The following KIF26B variants were observed in gnomAD, a reference collection of about 807,000 sequenced individuals.
The protein encoded by KIF26B is kinesin-like protein KIF26B.
In KIF26B, 63 loss-of-function variants were observed where a neutral mutation model predicts 151.2. The observed-to-expected ratio is 0.42, with a 90% CI of 0.34 to 0.51. The LOEUF (loss-of-function observed/expected upper bound fraction) is 0.51. Ranked by LOEUF, KIF26B falls within the 20% of genes least tolerant of loss-of-function variation. The pLI, the probability that KIF26B is intolerant of heterozygous loss-of-function variation, is 0.07. For missense variants in KIF26B, 2,813 were observed against 2,913.6 expected (o/e 0.97, Z 0.79); for synonymous variants, 1,357 against 1,262.1 (o/e 1.08, Z -1.59).
chr1:245,686,823 C>T lies in KIF26B; in HGVS notation c.3840C>T (p.Ser1280=). Residue 1280 remains serine, a synonymous_variant, in exon 12 of 15, where the codon TCC becomes TCT. Transcript: ENST00000407071. The surrounding 1 kb of genome is among the most constrained non-coding windows in gnomAD (Gnocchi z 5.6). The stretch of plus-strand genomic sequence containing the variant: ...GGAGCAGACGCTCTTCCATCAGCTC[C>T]TGGCTGAGCGAGATGAGCGCGGGCA... ...DAGSRRSSIS[S]WLSEMSAGSE... The T allele has an allele frequency of 6.2e-7, 1 of 1,613,618 alleles. No individual in the cohort carries two copies. Among genetic ancestry groups the T allele is most frequent in the Non-Finnish European group, 8.5e-7 (1 of 1,179,850 alleles).
intron 2 of KIF26B, among the ~76,000 whole-genome samples, chr1:245,263,970 A>G (rs1000971783): frequency 6.6e-6 from 1 of 152,216 alleles, no homozygotes; most frequent in Non-Finnish European, 1.5e-5. Context: ...CAGTATGTAG[A>G]TGATTCAACT....
intron 9 of KIF26B, among the ~76,000 whole-genome samples, chr1:245,633,731 T>A (rs1366643922): frequency 6.6e-6 from 1 of 152,230 alleles, no homozygotes; most frequent in African/African-American, 2.4e-5. Flanking sequence ...TTTTTAAGGA[T>A]AGCTTTCAGC....
chr1:245,174,882 G>A (rs1016546601), intron 2 of KIF26B, among the ~76,000 whole-genome samples: 1 of 152,148 alleles, frequency 6.6e-6, no homozygotes, highest in Admixed American at 6.5e-5. Context: ...TTTTGCAGGT[G>A]TCTCATGCTT....
Position 245,462,241 on chromosome 1 carries a change from G to C in KIF26B, c.1166+42496G>C, listed in dbSNP as rs1659663844. Among the ~76,000 whole-genome samples, 5 of 152,208 alleles carry C rather than the reference G, an allele frequency of 3.3e-5. No individual in the cohort carries two copies. In the South Asian group the frequency reaches 1.0e-3, roughly 32 times the overall value. On this transcript the variant is annotated intron_variant, in intron 4 of 14. Coordinates refer to ENST00000407071, the MANE Select transcript of KIF26B (RefSeq NM_018012.4). ...AGGATTTTGCAAAACTCCATGAGTT[G>C]ACCTCATTCCTCAGAAATTCCATTG...
chr1:245,379,422 G>A (rs184428883), intron 3 of KIF26B, among the ~76,000 whole-genome samples: 4 of 149,950 alleles, frequency 2.7e-5, no homozygotes, highest in Admixed American at 2.0e-4. Context: ...CAAGTCAAAC[G>A]TTATTATTTT....
rs2147972060 is a variant in KIF26B at position 245,702,401 on chromosome 1, G to A, written c.6179-57G>A. 1.2e-6 allele frequency: 2 copies of A among 1,600,104 alleles called. No homozygotes were observed. Among genetic ancestry groups the A allele is most frequent in the Non-Finnish European group, 1.7e-6 (2 of 1,169,326 alleles). On this transcript the variant is annotated intron_variant, in intron 14 of 14. Coordinates refer to ENST00000407071, the MANE Select transcript of KIF26B (RefSeq NM_018012.4). The surrounding 1 kb of genome is among the most constrained non-coding windows in gnomAD (Gnocchi z 4.1). The stretch of plus-strand genomic sequence containing the variant: ...TGGCAGCTCCAGGCTGAGCCGTCGG[G>A]AGTTGCTTCTCACCCTGTTTGCTCT...
intron 14 of KIF26B, 48 bp downstream of exon 14, chr1:245,699,085 C>T: frequency 1.9e-6 from 3 of 1,580,190 alleles, no homozygotes; most frequent in Non-Finnish European, 2.6e-6. Context: ...GGTTCACCTG[C>T]TCAACCGGGC....
chr1:245,653,080 G>T (rs2044037241), intron 10 of KIF26B, among the ~76,000 whole-genome samples: 1 of 152,186 alleles, frequency 6.6e-6, no homozygotes. Context: ...TAGCAGAGTA[G>T]GAAAGGGTAG....
chr1:245,636,630 C>T (rs1476983775), intron 9 of KIF26B, among the ~76,000 whole-genome samples: 1 of 151,830 alleles, frequency 6.6e-6, no homozygotes, highest in African/African-American at 2.4e-5. Context: ...ACCTGCTAAC[C>T]AATTTCTCTT....
At position 245,377,389 on chromosome 1, in the gene KIF26B, T is replaced by C. The variant is rs368069010; in HGVS notation, c.999+10022T>C. ...CTGATGCATCCCTCCAATCTCTGCC[T>C]TGGGTCTCGCTGTGTCCTCTTCTTT... On this transcript the variant is annotated intron_variant, in intron 3 of 14. Transcript: ENST00000407071. Among the ~76,000 whole-genome samples the C allele has an allele frequency of 7.4e-4, 113 of 152,338 alleles. 4 individuals carry two copies. The South Asian group carries it at 0.023, about 31-fold the overall frequency.
chr1:245,694,202 C>G (rs1444071540), intron 12 of KIF26B, among the ~76,000 whole-genome samples: 2 of 152,218 alleles, frequency 1.3e-5, no homozygotes, highest in Non-Finnish European at 2.9e-5. Context: ...TAAAACATGA[C>G]AGCAGGCCAC....
intron 10 of KIF26B, among the ~76,000 whole-genome samples, chr1:245,675,147 A>G (rs1308570928): frequency 6.6e-6 from 1 of 152,220 alleles, no homozygotes; most frequent in Non-Finnish European, 1.5e-5. Context: ...GGACGCTTCC[A>G]TTGTCGTCAG....
At chr1:245,448,591 A>T (rs1245498062) in intron 4 of KIF26B, among the ~76,000 whole-genome samples, 1 of 152,178 alleles carries the variant, frequency 6.6e-6, no homozygotes, top group Non-Finnish European at 1.5e-5. Context: ...GACTAATCTT[A>T]GTAGGAAGGA....
chr1:245,290,456 T>G lies in KIF26B; in HGVS notation c.466-76378T>G, dbSNP rs180697800. Among the ~76,000 whole-genome samples, 281 of 152,356 alleles carry G rather than the reference T, an allele frequency of 1.8e-3. 1 individual carries two copies. The highest frequency in any genetic ancestry group is 3.6e-3 in the Non-Finnish European group (246 of 68,036). ...GGTTGCCCACTTTTATGGTTATTTTTTCATGATATGCTAAACAAGGGGTGG... is the reference window on the plus strand; with the variant it reads ...GGTTGCCCACTTTTATGGTTATTTTGTCATGATATGCTAAACAAGGGGTGG... On this transcript the variant is annotated intron_variant, in intron 2 of 14. Coordinates refer to ENST00000407071, the MANE Select transcript of KIF26B (RefSeq NM_018012.4).
chr1:245,274,457 G>A (rs1316179861), intron 2 of KIF26B, among the ~76,000 whole-genome samples: 6 of 151,486 alleles, frequency 4.0e-5, no homozygotes, highest in Admixed American at 1.3e-4. Context: ...TCCCACTTAT[G>A]AGTGAGAACA....
chr1:245,704,030 C>T lies in KIF26B; in HGVS notation c.*1424C>T, dbSNP rs2044808676. The T allele has an allele frequency of 2.0e-5, 3 of 149,476 alleles. No homozygotes were observed. The South Asian group carries it at 6.6e-4, about 33-fold the overall frequency. The allele number at this position is 149,476 out of a possible 1,614,324, so 9.3% of individuals were successfully genotyped here. A position where few individuals can be genotyped will look rare whatever the true frequency, so the allele number is the denominator to read the frequency against. On this transcript the variant is annotated 3_prime_UTR_variant, in exon 15 of 15. Coordinates refer to ENST00000407071, the MANE Select transcript of KIF26B (RefSeq NM_018012.4). ...AGATGTTCCTCCCTATAACAATTCC[C>T]TTAGGAATTATGATACCCATTTTAG...
At chr1:245,604,570 C>T (rs1345919668) in intron 6 of KIF26B, among the ~76,000 whole-genome samples, 2 of 152,192 alleles carry the variant, frequency 1.3e-5, no homozygotes, top group African/African-American at 4.8e-5. Context: ...ATTTCATTAA[C>T]ACAGTTAAAA....
In KIF26B at chr1:245,631,554, A is replaced by G. The variant is rs138072252; in HGVS notation, c.2099-14567A>G. Reference sequence around the variant, plus strand: ...TATTTTTTAGATGATTTTTGCATCTATGTTCATCAGGGATATTGGTATCTC... The same window carrying G: ...TATTTTTTAGATGATTTTTGCATCTGTGTTCATCAGGGATATTGGTATCTC... On this transcript the variant is annotated intron_variant, in intron 9 of 14. Transcript: ENST00000407071. Among the ~76,000 whole-genome samples, 525 of 152,262 alleles carry G rather than the reference A, an allele frequency of 3.4e-3. 2 individuals are homozygous for G. The highest frequency in any genetic ancestry group is 0.011 in the African/African-American group (476 of 41,548).
intron 9 of KIF26B, among the ~76,000 whole-genome samples, chr1:245,624,551 C>T (rs547841209): frequency 9.9e-5 from 15 of 152,210 alleles, no homozygotes; most frequent in Non-Finnish European, 1.8e-4. Context: ...CATTCGGCAT[C>T]CATACCTCTT....
Sources: allele counts gnomAD v4.1 joint callset (sites outside exome capture counted in the v4.1 genomes callset), GRCh38; gene constraint gnomAD v4.1.1; non-coding constraint Gnocchi (gnomAD v3.1); transcripts MANE v1.5; gene names NCBI Gene and HGNC (gene_info 2026-07-23, HGNC 2026-07-21).